RBMS3: variants seen among roughly 807,000 people sequenced by gnomAD.
RBMS3 encodes RNA binding motif single stranded interacting protein 3.
RBMS3 carries 27 observed loss-of-function variants against 66.8 expected under a neutral mutation model. The observed-to-expected ratio is 0.40, with a 90% CI of 0.30 to 0.56. The LOEUF (loss-of-function observed/expected upper bound fraction) is 0.56, where lower values mean the gene tolerates loss of function less well. Among genes scored for constraint, RBMS3 ranks in the 20% least tolerant of loss-of-function variants. The pLI, the probability that RBMS3 is intolerant of heterozygous loss-of-function variation, is 0.40. For missense variants in RBMS3, 513 were observed against 549.5 expected (o/e 0.93, Z 0.66); for synonymous variants, 188 against 183.0 (o/e 1.03, Z -0.22).
chr3:29,702,559 A>G (rs1440831509), intron 4 of RBMS3, among the ~76,000 whole-genome samples: 1 of 152,198 alleles, frequency 6.6e-6, no homozygotes, highest in Non-Finnish European at 1.5e-5. Context: ...TTTTGAGTCC[A>G]CACCATCTTT....
Position 29,361,869 on chromosome 3 carries a change from T to G in RBMS3, c.76-72874T>G, listed in dbSNP as rs192819192. On this transcript the variant is annotated intron_variant, in intron 1 of 14. Coordinates refer to ENST00000383767, the MANE Select transcript of RBMS3 (RefSeq NM_001003793.3). The stretch of plus-strand genomic sequence containing the variant: ...TACTGAAGCTTGTGCATTCATCACT[T>G]AGTTCTCGTGCCATGGTTTTCAGCT... 3.3e-3 allele frequency among the ~76,000 whole-genome samples: 500 copies of G among 152,366 alleles called. 2 individuals carry two copies. Among genetic ancestry groups the G allele is most frequent in the African/African-American group, 0.012 (479 of 41,598 alleles).
At chr3:29,458,803 T>C (rs1382584854) in intron 2 of RBMS3, among the ~76,000 whole-genome samples, 3 of 152,238 alleles carry the variant, frequency 2.0e-5, no homozygotes, top group African/African-American at 7.2e-5. Flanking sequence ...AAGTTACTTA[T>C]GCCTTTGTTG....
chr3:29,520,428 C>T (rs75029946), intron 3 of RBMS3, among the ~76,000 whole-genome samples: 14,953 of 151,982 alleles, frequency 0.098, 777 homozygotes, highest in South Asian at 0.12. Context: ...TTGGACAGTA[C>T]TGATTTTTTA....
chr3:29,715,840 C>T (rs988931635), intron 4 of RBMS3, among the ~76,000 whole-genome samples: 3 of 152,098 alleles, frequency 2.0e-5, no homozygotes, highest in Non-Finnish European at 4.4e-5. Flanking sequence ...GCATCAATGC[C>T]TTATCATATT....
intron 3 of RBMS3, 104 bp downstream of exon 3, chr3:29,488,603 C>T (rs2043412349): frequency 9.3e-6 from 9 of 969,584 alleles, no homozygotes; most frequent in Non-Finnish European, 1.4e-5. Context: ...GATCACAATG[C>T]ATAGTATGGA....
At chr3:29,365,066 T>C (rs1299832430) in intron 1 of RBMS3, among the ~76,000 whole-genome samples, 1 of 152,106 alleles carries the variant, frequency 6.6e-6, no homozygotes, top group East Asian at 1.9e-4. Flanking sequence ...TTATTTTTGA[T>C]ATTTTATATT....
At chr3:29,508,415 T>C (rs772321410) in intron 3 of RBMS3, among the ~76,000 whole-genome samples, 1 of 152,160 alleles carries the variant, frequency 6.6e-6, no homozygotes, top group Non-Finnish European at 1.5e-5. Flanking sequence ...TGCGTTCTCA[T>C]TGTTCAGCTC....
intron 7 of RBMS3, among the ~76,000 whole-genome samples, chr3:29,869,792 A>G (rs1016729436): frequency 6.6e-6 from 1 of 152,196 alleles, no homozygotes; most frequent in Admixed American, 6.5e-5. Flanking sequence ...CCAAGGCCAT[A>G]CTTTCAAGAG....
intron 3 of RBMS3, among the ~76,000 whole-genome samples, chr3:29,496,628 C>T (rs145941391): frequency 2.0e-5 from 3 of 152,180 alleles, no homozygotes; most frequent in East Asian, 1.9e-4. Flanking sequence ...CCCAACCAGA[C>T]AACTACAACT....
intron 1 of RBMS3, among the ~76,000 whole-genome samples, chr3:29,363,029 G>A (rs2037692190): frequency 6.6e-6 from 1 of 152,110 alleles, no homozygotes; most frequent in African/African-American, 2.4e-5. Flanking sequence ...CATAAGGTTG[G>A]CCTCATCTGT....
intron 3 of RBMS3, among the ~76,000 whole-genome samples, chr3:29,586,589 A>G (rs2047527445): frequency 6.6e-6 from 1 of 152,082 alleles, no homozygotes; most frequent in African/African-American, 2.4e-5. Flanking sequence ...TAGGTTTTAA[A>G]CCCTCTCATC....
intron 7 of RBMS3, among the ~76,000 whole-genome samples, chr3:29,873,997 G>A (rs926935984): frequency 1.3e-5 from 2 of 152,100 alleles, no homozygotes; most frequent in Non-Finnish European, 2.9e-5. Flanking sequence ...TAATGCTAAT[G>A]TAAAGTATGT....
rs116350191 is a variant in RBMS3 at position 29,352,171 on chromosome 3, T to G, written c.75+70415T>G. Among the ~76,000 whole-genome samples, 753 of 152,238 alleles carry G rather than the reference T, an allele frequency of 4.9e-3. 5 individuals are homozygous for G. The highest frequency in any genetic ancestry group is 0.017 in the African/African-American group (717 of 41,586). On this transcript the variant is annotated intron_variant, in intron 1 of 14. Coordinates refer to ENST00000383767, the MANE Select transcript of RBMS3 (RefSeq NM_001003793.3). Reference sequence around the variant, plus strand: ...TTTTAAGACTATTCTCCCTTCTTGATTCTTAATTTTCAAAAATTTTCTGCA... The same window carrying G: ...TTTTAAGACTATTCTCCCTTCTTGAGTCTTAATTTTCAAAAATTTTCTGCA...
intron 6 of RBMS3, chr3:29,797,954 G>A (rs1329505458): frequency 6.6e-6 from 1 of 151,966 alleles, no homozygotes; most frequent in Non-Finnish European, 1.5e-5. Context: ...ACAACTTAGA[G>A]GTCATTGTAG....
At chr3:29,594,550 C>T (rs2047876024) in intron 4 of RBMS3, among the ~76,000 whole-genome samples, 1 of 152,094 alleles carries the variant, frequency 6.6e-6, no homozygotes, top group Admixed American at 6.6e-5. Flanking sequence ...TCATTTGCTC[C>T]TGTGGGATAC....
intron 6 of RBMS3, among the ~76,000 whole-genome samples, chr3:29,769,190 A>G (rs1175793993): frequency 6.6e-6 from 1 of 151,870 alleles, no homozygotes; most frequent in African/African-American, 2.4e-5. Flanking sequence ...AGGTATGGAA[A>G]AAGACAAGAA....
intron 3 of RBMS3, among the ~76,000 whole-genome samples, chr3:29,567,584 G>A (rs2046789112): frequency 6.6e-6 from 1 of 152,110 alleles, no homozygotes; most frequent in Admixed American, 6.6e-5. Context: ...AGTGTTATAG[G>A]AAGGTGACAT....
intron 1 of RBMS3, among the ~76,000 whole-genome samples, chr3:29,380,066 T>G (rs1008282764): frequency 1.3e-5 from 2 of 151,976 alleles, no homozygotes; most frequent in Non-Finnish European, 2.9e-5. Flanking sequence ...GTATGAGGAT[T>G]TGCAAGAAGA....
At chr3:29,425,417 T>C (rs1204020225) in intron 1 of RBMS3, among the ~76,000 whole-genome samples, 1 of 151,184 alleles carries the variant, frequency 6.6e-6, no homozygotes, top group Non-Finnish European at 1.5e-5. Flanking sequence ...TATTACTAAT[T>C]GTAATTTTAG....
Sources: allele counts gnomAD v4.1 joint callset (sites outside exome capture counted in the v4.1 genomes callset), GRCh38; gene constraint gnomAD v4.1.1; transcripts MANE v1.5; gene names NCBI Gene and HGNC (gene_info 2026-07-23, HGNC 2026-07-21).